Variants in DZIP1L observed in about 807,000 individuals in gnomAD.
DZIP1L encodes the protein DAZ interacting zinc finger protein 1 like.
A neutral mutation model predicts 88.7 loss-of-function variants in DZIP1L; 90 were observed. The ratio of observed to expected loss-of-function variants is 1.02; its 90% CI spans 0.86 to 1.21. The LOEUF is 1.21. DZIP1L is among the 50% of genes most tolerant of loss of function. The pLI is 0.00. For missense variants in DZIP1L, 932 were observed against 955.8 expected, an observed-to-expected ratio of 0.98 and a Z score of 0.33; for synonymous variants, 363 against 372.1, an observed-to-expected ratio of 0.98 and a Z score of 0.28.
Position 138,080,599 on chromosome 3 carries a change from G to C in DZIP1L, c.1256C>G (p.Ala419Gly). The change falls in exon 10 of 16, where the codon GCT (alanine) becomes GGT (glycine). Residue 419 changes from alanine to glycine, a missense_variant. Physicochemically the swap from Ala to Gly is moderately conservative, Grantham distance 60. Transcript: ENST00000327532. ...KVEGIHKVPK[A>G]VDTEEDSPEE... Reference sequence around the variant, plus strand: ...TGGAGAGTCCTCCTCTGTGTCCACAGCCTTTGGCACCTTGTGGATCCCTGA... The same window carrying C: ...TGGAGAGTCCTCCTCTGTGTCCACACCCTTTGGCACCTTGTGGATCCCTGA... 6.2e-7 allele frequency: 1 copy of C among 1,613,776 alleles called. No homozygotes were observed. The highest frequency in any genetic ancestry group is 8.5e-7 in the Non-Finnish European group (1 of 1,179,852).
chr3:138,102,498 A>C, intron 2 of DZIP1L: 1 of 1,345,846 alleles, frequency 7.4e-7, no homozygotes, highest in Non-Finnish European at 1.1e-6. Context: ...TGTAGCTCTG[A>C]ACATGTTGTC....
At position 138,100,483 on chromosome 3, in the gene DZIP1L, C is replaced by T. The variant is rs544869725; in HGVS notation, c.502-2636G>A. 3.3e-5 allele frequency among the ~76,000 whole-genome samples: 5 copies of T among 152,266 alleles called. No individual in the cohort carries two copies. The East Asian group carries it at 9.7e-4, about 29-fold the overall frequency. On this transcript the variant is annotated intron_variant, in intron 2 of 15. Transcript: ENST00000327532. ...TGAGCCATTCTAGCAAATTATTGAA[C>T]CTCAAGATGGAGTTATGGGAACCCT...
intron 1 of DZIP1L, among the ~76,000 whole-genome samples, chr3:138,115,051 C>T (rs1207983716): frequency 6.6e-6 from 1 of 152,202 alleles, no homozygotes; most frequent in Non-Finnish European, 1.5e-5. Context: ...CGTCATTCGT[C>T]CCCCGCGCAC....
rs182819610 is a variant in DZIP1L at position 138,103,766 on chromosome 3, C to T, written c.206G>A (p.Arg69Gln). ...IAGITFCNLD[R>Q]EVCSRCGQPV... ...CTGCCCACAGCGGCTGCACACCTCC[C>T]GGTCCAAGTTGCAGAAGGTGATGCC... is the stretch of plus-strand genomic sequence containing the variant. The change falls in exon 2 of 16, where the codon CGG (arginine) becomes CAG (glutamine). Residue 69 changes from arginine to glutamine, a missense_variant. By Grantham distance (43) the Arg-to-Gln change is conservative (BLOSUM62 1). Transcript: ENST00000327532. 15 of 1,614,024 alleles carry T rather than the reference C, an allele frequency of 9.3e-6. No homozygotes were observed. The highest frequency in any genetic ancestry group is 2.2e-5 in the East Asian group (1 of 44,886).
In DZIP1L at chr3:138,103,964, G is replaced by A. The variant is rs771502185; in HGVS notation, c.8C>T (p.Ser3Phe). Residue 3 changes from serine (S) to phenylalanine (F), a missense_variant, in exon 2 of 16, where the codon TCC becomes TTC. Transcript: ENST00000327532. ...GAGGCCCTCAGCAGTGGCAGCTGGG[G>A]ACTGCATGGGCAGAGGAAGCCCTGA... Reference protein sequence around the residue: MQSPAATAEGLSG... With the variant: MQFPAATAEGLSG... 3.2e-5 allele frequency: 52 copies of A among 1,610,402 alleles called. No individual in the cohort carries two copies. The highest frequency in any genetic ancestry group is 4.5e-5 in the East Asian group (2 of 44,888).
At chr3:138,081,944 G>A (rs1360003751) in intron 8 of DZIP1L, 180 bp from the exon 9 acceptor site, 4 of 497,574 alleles carry the variant, frequency 8.0e-6, no homozygotes, top group African/African-American at 2.0e-5. Context: ...TCTGGGGTCC[G>A]TGTGTGAAAG....
intron 2 of DZIP1L, chr3:138,102,066 A>T: frequency 2.0e-6 from 3 of 1,479,924 alleles, no homozygotes; most frequent in Non-Finnish European, 2.8e-6. Context: ...CTCATACTTG[A>T]TCTGGTACAT....
At chr3:138,108,229 C>A in intron 1 of DZIP1L, 1 of 985,302 alleles carries the variant, frequency 1.0e-6, no homozygotes, top group South Asian at 4.7e-5. Flanking sequence ...GCCACCAGAG[C>A]CTCAGAGACG....
intron 2 of DZIP1L, among the ~76,000 whole-genome samples, chr3:138,098,209 T>C (rs1341574620): frequency 2.0e-5 from 3 of 152,192 alleles, no homozygotes; most frequent in African/African-American, 4.8e-5. Context: ...ATAATACTAA[T>C]ATGCTTCAAA....
intron 1 of DZIP1L, among the ~76,000 whole-genome samples, chr3:138,105,761 AG>A (rs1354072889): frequency 1.3e-5 from 2 of 152,156 alleles, no homozygotes; most frequent in Non-Finnish European, 2.9e-5. Context: ...TACATATGAA[AG>A]ACTCATATTT....
intron 2 of DZIP1L, chr3:138,101,365 G>T: frequency 1.5e-6 from 1 of 651,384 alleles, no homozygotes; most frequent in South Asian, 1.8e-5. Context: ...GAGGGCTAGG[G>T]CTGAGCCTCA....
chr3:138,072,482 C>T (rs950644376), intron 11 of DZIP1L, among the ~76,000 whole-genome samples: 2 of 151,796 alleles, frequency 1.3e-5, no homozygotes, highest in Non-Finnish European at 2.9e-5. Flanking sequence ...CCTAAAATAA[C>T]CCTAGTTGTC....
chr3:138,111,712 G>C (rs2042623301), intron 1 of DZIP1L, among the ~76,000 whole-genome samples: 1 of 152,094 alleles, frequency 6.6e-6, no homozygotes, highest in Non-Finnish European at 1.5e-5. Context: ...AGACGGAGCA[G>C]GGCCAGGCAT....
chr3:138,102,123 G>T, intron 2 of DZIP1L: 1 of 1,410,324 alleles, frequency 7.1e-7, no homozygotes. Context: ...CTTGTACTGT[G>T]CCTTGACCTC....
rs2107797413 is a variant in DZIP1L, at chr3:138,088,466, C to G, written c.912G>C (p.Lys304Asn). The G allele has an allele frequency of 6.2e-7, 1 of 1,614,064 alleles. No homozygotes were observed. Among genetic ancestry groups the G allele is most frequent in the Admixed American group, 1.7e-5 (1 of 60,016 alleles). The change falls in exon 6 of 16, where the codon AAG becomes AAC. Residue 304 changes from lysine (K) to asparagine (N), a missense_variant. By Grantham distance (94) the Lys-to-Asn change is moderately conservative (BLOSUM62 0). Coordinates refer to ENST00000327532, the MANE Select transcript of DZIP1L (RefSeq NM_173543.3). ...ACTCCTCATCTCGCAGTGATCCCAG[C>G]TTGGACTCCATCACACTGTGGGACT... ...ALQSHSVMES[K>N]LGSLRDEESE...
chr3:138,082,028 GA>G (rs1328067649), intron 8 of DZIP1L, among the ~76,000 whole-genome samples: 1 of 152,228 alleles, frequency 6.6e-6, no homozygotes, highest in Admixed American at 6.5e-5. Flanking sequence ...ATTATGCCTC[GA>G]GGGCAGGAGC....
Position 138,103,961 on chromosome 3 carries a change from G to T in DZIP1L, c.11C>A (p.Pro4Gln). MQS[P>Q]AATAEGLSGP... ...ACTGAGGCCCTCAGCAGTGGCAGCTGGGGACTGCATGGGCAGAGGAAGCCC... is the reference window on the plus strand; with the variant it reads ...ACTGAGGCCCTCAGCAGTGGCAGCTTGGGACTGCATGGGCAGAGGAAGCCC... The change falls in exon 2 of 16, where the codon CCA becomes CAA. Residue 4 changes from proline to glutamine, a missense_variant. By Grantham distance (76) the Pro-to-Gln change is moderately conservative (BLOSUM62 -1). Coordinates refer to ENST00000327532, the MANE Select transcript of DZIP1L (RefSeq NM_173543.3). The T allele has an allele frequency of 6.2e-7, 1 of 1,611,170 alleles. No individual in the cohort carries two copies. The highest frequency in any genetic ancestry group is 1.1e-5 in the South Asian group (1 of 90,938).
intron 5 of DZIP1L, among the ~76,000 whole-genome samples, chr3:138,090,787 T>C (rs1264148775): frequency 6.6e-6 from 1 of 152,188 alleles, no homozygotes; most frequent in Non-Finnish European, 1.5e-5. Context: ...CTCCTTGATC[T>C]AGGAGGACCA....
At position 138,103,904 on chromosome 3, in the gene DZIP1L, G is replaced by T; in HGVS notation, c.68C>A (p.Thr23Asn). Reference sequence around the variant, plus strand: ...ATCATGGCGAGGCTGAAACTTGAAGGTGGGGAACGTGTAGGCCCCAAAGAG... The same window carrying T: ...ATCATGGCGAGGCTGAAACTTGAAGTTGGGGAACGTGTAGGCCCCAAAGAG... ...GPLFGAYTFPTFKFQPRHDSM... is the reference protein window; with the variant it reads ...GPLFGAYTFPNFKFQPRHDSM... The change falls in exon 2 of 16, where the codon ACC becomes AAC. Residue 23 changes from threonine to asparagine, a missense_variant. Physicochemically the swap from Thr to Asn is moderately conservative, Grantham distance 65. Coordinates refer to ENST00000327532, the MANE Select transcript of DZIP1L (RefSeq NM_173543.3). The T allele has an allele frequency of 1.2e-6, 2 of 1,613,806 alleles. No homozygotes were observed. Among genetic ancestry groups the T allele is most frequent in the Non-Finnish European group, 1.7e-6 (2 of 1,180,046 alleles).
Sources: allele counts gnomAD v4.1 joint callset (sites outside exome capture counted in the v4.1 genomes callset), GRCh38; gene constraint gnomAD v4.1.1; transcripts MANE v1.5; gene names NCBI Gene and HGNC (gene_info 2026-07-23, HGNC 2026-07-21).